Variants in STXBP6 observed in about 807,000 individuals in gnomAD.
STXBP6 encodes syntaxin-binding protein 6.
Under a neutral mutation model 26.9 loss-of-function variants are expected in STXBP6, and 21 were observed. The ratio of observed to expected loss-of-function variants is 0.78; its 90% CI spans 0.55 to 1.12. The LOEUF is 1.12. STXBP6 is among the 50% of genes most tolerant of loss of function. STXBP6 has a pLI of 0.00. For missense variants in STXBP6, 232 were observed against 257.9 expected, an observed-to-expected ratio of 0.90 and a Z score of 0.69; for synonymous variants, 97 against 92.6, an observed-to-expected ratio of 1.05 and a Z score of -0.27.
intron 1 of STXBP6, among the ~76,000 whole-genome samples, chr14:25,028,238 C>T (rs2075384348): frequency 6.6e-6 from 1 of 152,206 alleles, no homozygotes; most frequent in Non-Finnish European, 1.5e-5. Flanking sequence ...CCATTTAGGA[C>T]TTCCATAGGT....
At chr14:24,937,763 A>G (rs2072655428) in intron 2 of STXBP6, among the ~76,000 whole-genome samples, 1 of 152,238 alleles carries the variant, frequency 6.6e-6, no homozygotes, top group Non-Finnish European at 1.5e-5. Flanking sequence ...TTATCTTTAA[A>G]TAGTACTGTT....
chr14:24,855,510 G>A (rs4983024), intron 4 of STXBP6, among the ~76,000 whole-genome samples: 29,436 of 152,046 alleles, frequency 0.19, 3,766 homozygotes, highest in Admixed American at 0.37. Context: ...GAAAGGGGAA[G>A]CATCTGTTGG....
chr14:24,935,455 G>A (rs1055684737), intron 2 of STXBP6, among the ~76,000 whole-genome samples: 1 of 152,102 alleles, frequency 6.6e-6, no homozygotes, highest in Non-Finnish European at 1.5e-5. Flanking sequence ...CATGTGAAAA[G>A]GCTCAGCAAG....
chr14:25,007,284 G>T (rs151103266), intron 1 of STXBP6, among the ~76,000 whole-genome samples: 485 of 152,312 alleles, frequency 3.2e-3, no homozygotes, highest in Non-Finnish European at 5.3e-3. Flanking sequence ...TGTCAGTCTT[G>T]AGGACAAACA....
intron 2 of STXBP6, among the ~76,000 whole-genome samples, chr14:24,879,305 G>A (rs912457245): frequency 6.6e-6 from 1 of 152,152 alleles, no homozygotes; most frequent in African/African-American, 2.4e-5. Flanking sequence ...GAGAATGGAA[G>A]CATAATAGAA....
At chr14:25,010,358 G>A (rs2075000953) in intron 1 of STXBP6, among the ~76,000 whole-genome samples, 1 of 152,170 alleles carries the variant, frequency 6.6e-6, no homozygotes, top group African/African-American at 2.4e-5. Context: ...TACTTCCCAA[G>A]CCTTTACATT....
intron 4 of STXBP6, among the ~76,000 whole-genome samples, chr14:24,851,783 C>A (rs2069166258): frequency 6.6e-6 from 1 of 152,080 alleles, no homozygotes; most frequent in Admixed American, 6.6e-5. Context: ...TTTCAGCAGC[C>A]AGACCTGGCT....
chr14:24,882,766 C>T (rs1238460253), intron 2 of STXBP6, among the ~76,000 whole-genome samples: 1 of 152,130 alleles, frequency 6.6e-6, no homozygotes, highest in Admixed American at 6.5e-5. Context: ...AGCCTACCAC[C>T]TCTCCACTAT....
Position 24,811,726 on chromosome 14 carries a change from A to ATT in STXBP6, c.*982_*983insAA. On this transcript the variant is annotated 3_prime_UTR_variant, in exon 6 of 6. Transcript: ENST00000323944. ...ACCTCCAAAATCCAGATACCAAGAA[A>ATT]CTAAAGGCCCTCTCCCAAGGACATT... The ATT allele has an allele frequency of 6.6e-6, 1 of 152,298 alleles. No individual in the cohort carries two copies. The highest frequency in any genetic ancestry group is 1.5e-5 in the Non-Finnish European group (1 of 68,020). The allele number at this position is 152,298 out of a possible 1,614,324, so 9.4% of individuals were successfully genotyped here. A position where few individuals can be genotyped will look rare whatever the true frequency, so the allele number is the denominator to read the frequency against.
chr14:24,845,018 T>G (rs917588561), intron 4 of STXBP6, among the ~76,000 whole-genome samples: 1 of 151,228 alleles, frequency 6.6e-6, no homozygotes, highest in Non-Finnish European at 1.5e-5. Context: ...TCAAAAGCTT[T>G]TTTTTTTTTT....
chr14:25,021,559 C>A (rs908026994), intron 1 of STXBP6, among the ~76,000 whole-genome samples: 2 of 152,164 alleles, frequency 1.3e-5, no homozygotes, highest in African/African-American at 2.4e-5. Context: ...TATAACACCT[C>A]CAGTTCAAGT....
At chr14:24,891,408 TGTC>T (rs1461105885) in intron 2 of STXBP6, among the ~76,000 whole-genome samples, 1 of 152,208 alleles carries the variant, frequency 6.6e-6, no homozygotes, top group African/African-American at 2.4e-5. Context: ...TTAGCCTGAA[TGTC>T]AAAAGACTAA....
intron 2 of STXBP6, among the ~76,000 whole-genome samples, chr14:24,917,075 T>C (rs2071794571): frequency 6.6e-6 from 1 of 152,030 alleles, no homozygotes; most frequent in South Asian, 2.1e-4. Flanking sequence ...AAGCATAGCA[T>C]AAGGAAGACA....
At chr14:24,817,599 C>T (rs150431959) in intron 5 of STXBP6, 492 of 163,302 alleles carry the variant, frequency 3.0e-3, no homozygotes, top group Non-Finnish European at 5.3e-3. Context: ...CCACTGAAAT[C>T]ACGGAAGCTG....
At chr14:24,946,045 C>T (rs1245389183) in intron 2 of STXBP6, among the ~76,000 whole-genome samples, 1 of 152,152 alleles carries the variant, frequency 6.6e-6, no homozygotes, top group African/African-American at 2.4e-5. Flanking sequence ...CAATTAACAC[C>T]TAACAGAAAG....
chr14:24,812,619 A>G lies in STXBP6; in HGVS notation c.*90T>C. ...CTAAGTGTCCAAATATTGGAAAAAAAGAAGCAAGCGGAGGTCCCGAATTCT... is the reference window on the plus strand; with the variant it reads ...CTAAGTGTCCAAATATTGGAAAAAAGGAAGCAAGCGGAGGTCCCGAATTCT... On this transcript the variant is annotated 3_prime_UTR_variant, in exon 6 of 6. Coordinates refer to ENST00000323944, the MANE Select transcript of STXBP6 (RefSeq NM_001394410.1). 1 of 1,293,150 alleles carries G rather than the reference A, an allele frequency of 7.7e-7. No individual in the cohort carries two copies. The highest frequency in any genetic ancestry group is 1.2e-5 in the South Asian group (1 of 80,412). The allele number at this position is 1,293,150 out of a possible 1,614,324, so 80.1% of individuals were successfully genotyped here.
chr14:24,929,144 C>G (rs927780844), intron 2 of STXBP6, among the ~76,000 whole-genome samples: 2 of 152,226 alleles, frequency 1.3e-5, no homozygotes, highest in African/African-American at 4.8e-5. Flanking sequence ...CAACCAATCC[C>G]AAGCACAAAC....
In STXBP6 at chr14:25,049,088, T is replaced by G; in HGVS notation, c.-33+790A>C. On this transcript the variant is annotated intron_variant, in intron 1 of 5. Coordinates refer to ENST00000323944, the MANE Select transcript of STXBP6 (RefSeq NM_001394410.1). The surrounding 1 kb of genome is among the most constrained non-coding windows in gnomAD (Gnocchi z 5.6). ...GGACTTTCTCCTAAAGAACAAGATGTCTTTCCAAATTCTCCACCTGCAGGT... is the reference window on the plus strand; with the variant it reads ...GGACTTTCTCCTAAAGAACAAGATGGCTTTCCAAATTCTCCACCTGCAGGT... 3 of 918,256 alleles carry G rather than the reference T, an allele frequency of 3.3e-6. No individual in the cohort carries two copies. The highest frequency in any genetic ancestry group is 3.9e-6 in the Non-Finnish European group (3 of 768,428). The allele number at this position is 918,256 out of a possible 1,614,324, so 56.9% of individuals were successfully genotyped here.
At chr14:24,825,339 G>T (rs1440795866) in intron 4 of STXBP6, among the ~76,000 whole-genome samples, 1 of 152,186 alleles carries the variant, frequency 6.6e-6, no homozygotes, top group Non-Finnish European at 1.5e-5. Flanking sequence ...CAAAAGGCTT[G>T]CTTTATAGAG....
Sources: gnomAD v4.1 joint callset for allele counts (sites outside exome capture counted in the v4.1 genomes callset) on GRCh38, gnomAD v4.1.1 for gene constraint, Gnocchi (gnomAD v3.1) non-coding constraint, MANE v1.5 for transcripts, NCBI Gene and HGNC (gene_info 2026-07-23, HGNC 2026-07-21) for gene names.